The following PKHD1 variants were observed in gnomAD, a reference collection of about 807,000 sequenced individuals.
PKHD1 encodes the protein PKHD1 ciliary IPT domain containing fibrocystin/polyductin.
A neutral mutation model predicts 412.0 loss-of-function variants in PKHD1; 291 were observed. That is an observed-to-expected ratio of 0.71 (90% CI 0.64 to 0.78). The LOEUF (loss-of-function observed/expected upper bound fraction) is 0.78. Ranked by LOEUF, PKHD1 falls within the 30% of genes least tolerant of loss-of-function variation. PKHD1 has a pLI of 0.00. For missense variants in PKHD1, 4,825 were observed against 4,950.7 expected, an observed-to-expected ratio of 0.97 and a Z score of 0.76; for synonymous variants, 1,777 against 1,821.5, an observed-to-expected ratio of 0.98 and a Z score of 0.62.
chr6:51,628,256 C>G (rs1259991962), intron 65 of PKHD1, among the ~76,000 whole-genome samples: 2 of 152,068 alleles, frequency 1.3e-5, no homozygotes, highest in African/African-American at 4.8e-5. Flanking sequence ...AGACCCTAGT[C>G]TCCATTGTTC....
intron 35 of PKHD1, among the ~76,000 whole-genome samples, chr6:51,975,485 G>C (rs1794252106): frequency 6.6e-6 from 1 of 151,976 alleles, no homozygotes; most frequent in Non-Finnish European, 1.5e-5. Flanking sequence ...AGTGGGCAAA[G>C]GACTTGAATG....
At chr6:51,858,052 A>G (rs1773570544) in intron 48 of PKHD1, among the ~76,000 whole-genome samples, 1 of 146,170 alleles carries the variant, frequency 6.8e-6, no homozygotes, top group African/African-American at 2.5e-5. Flanking sequence ...TTTAAATTGG[A>G]ACTAATGGAC....
chr6:51,709,865 T>TG (rs3061725), intron 60 of PKHD1, among the ~76,000 whole-genome samples: 3 of 151,608 alleles, frequency 2.0e-5, no homozygotes, highest in Admixed American at 2.0e-4. Flanking sequence ...TTTTTTTTTT[T>TG]ACATAACTGA....
rs116564268 is a variant in PKHD1, at chr6:51,806,909, T to C, written c.8303-15536A>G. Among the ~76,000 whole-genome samples the C allele has an allele frequency of 5.9e-3, 896 of 152,118 alleles. 9 individuals are homozygous for C. Among genetic ancestry groups the C allele is most frequent in the African/African-American group, 0.02 (843 of 41,496 alleles). On this transcript the variant is annotated intron_variant, in intron 52 of 66. Coordinates refer to ENST00000371117, the MANE Select transcript of PKHD1 (RefSeq NM_138694.4). ...CTTTGGGAGAAGGTAAAACACTTTG[T>C]TACAACAGGAGGAAAGAAAGAGAAG...
intron 37 of PKHD1, among the ~76,000 whole-genome samples, chr6:51,930,213 C>T (rs975009155): frequency 3.9e-5 from 6 of 152,132 alleles, no homozygotes; most frequent in Admixed American, 2.0e-4. Context: ...CTACAGCTAC[C>T]CAAACCCCAG....
intron 60 of PKHD1, among the ~76,000 whole-genome samples, chr6:51,687,111 G>C (rs556525156): frequency 6.6e-6 from 1 of 152,260 alleles, no homozygotes; most frequent in South Asian, 2.1e-4. Context: ...GAGCAGGGAA[G>C]AAATGGATAA....
intron 43 of PKHD1, among the ~76,000 whole-genome samples, chr6:51,887,603 T>G (rs980447397): frequency 1.3e-5 from 2 of 152,130 alleles, no homozygotes; most frequent in African/African-American, 4.8e-5. Context: ...ATCTGGTAGT[T>G]TAAAAGTGTA....
At chr6:52,073,178 G>C (rs577025678) in intron 7 of PKHD1, among the ~76,000 whole-genome samples, 8 of 152,214 alleles carry the variant, frequency 5.3e-5, no homozygotes, top group African/African-American at 1.9e-4. Context: ...AGGAAGGAAG[G>C]GTGAGAATTC....
intron 52 of PKHD1, among the ~76,000 whole-genome samples, chr6:51,793,153 A>G (rs1382378751): frequency 6.6e-6 from 1 of 152,172 alleles, no homozygotes; most frequent in Non-Finnish European, 1.5e-5. Context: ...TGAATGATCA[A>G]GCTAAACAGA....
chr6:51,911,713 G>C (rs563895563), intron 39 of PKHD1, 86 bp downstream of exon 39: 44 of 1,179,776 alleles, frequency 3.7e-5, no homozygotes, highest in Non-Finnish European at 5.3e-5. Flanking sequence ...TTTTAAAAGA[G>C]GTCAACCACA....
chr6:52,014,753 GATGGATGGATGA>G (rs1455731394), intron 34 of PKHD1, among the ~76,000 whole-genome samples: 3 of 116,660 alleles, frequency 2.6e-5, no homozygotes, highest in African/African-American at 3.0e-5. Context: ...TGGATGGATG[GATGGATGGATGA>G]ATATACTGGA....
rs1472830438 is a variant in PKHD1, at chr6:52,065,168, T to TATATATATAG, written c.881-119_881-118insCTATATATAT. 4.8e-3 allele frequency: 153 copies of TATATATATAG among 31,694 alleles called. 1 individual carries two copies. Among genetic ancestry groups the TATATATATAG allele is most frequent in the Non-Finnish European group, 7.9e-3 (144 of 18,170 alleles). 2.0% of individuals were successfully genotyped at this position (31,694 alleles called of 1,614,324 possible). On this transcript the variant is annotated intron_variant, in intron 12 of 66. Transcript: ENST00000371117. ...ATATATATATATATATATATATATATAGAGAGAGAGAGAGAGAGAGAGAGA... is the reference window on the plus strand; with the variant it reads ...ATATATATATATATATATATATATATATATATATAGAGAGAGAGAGAGAGAGAGAGAGAGA...
chr6:51,676,602 CT>C (rs964023903), intron 60 of PKHD1, among the ~76,000 whole-genome samples: 5 of 114,864 alleles, frequency 4.4e-5, no homozygotes, highest in Non-Finnish European at 5.5e-5. Flanking sequence ...ACATTTATAC[CT>C]CATTTGATTT....
At chr6:51,681,918 G>C (rs1288464371) in intron 60 of PKHD1, among the ~76,000 whole-genome samples, 2 of 152,104 alleles carry the variant, frequency 1.3e-5, no homozygotes, top group African/African-American at 4.8e-5. Context: ...AACAGAACAT[G>C]TTTGCCAGTC....
In PKHD1 at chr6:51,909,939, A is replaced by G. The variant is rs58713839; in HGVS notation, c.6491-465T>C. Among the ~76,000 whole-genome samples the G allele has an allele frequency of 2.0e-5, 3 of 152,218 alleles. No homozygotes were observed. In the East Asian group the frequency reaches 5.8e-4, roughly 29 times the overall value. On this transcript the variant is annotated intron_variant, in intron 39 of 66. Transcript: ENST00000371117. Reference sequence around the variant, plus strand: ...TACTGTGCTGTTTTATGGTTTGGGGACTTAGCAATAACGCTACCACAGAAA... The same window carrying G: ...TACTGTGCTGTTTTATGGTTTGGGGGCTTAGCAATAACGCTACCACAGAAA...
intron 43 of PKHD1, among the ~76,000 whole-genome samples, chr6:51,893,426 G>C (rs2127578462): frequency 6.6e-6 from 1 of 152,292 alleles, no homozygotes; most frequent in South Asian, 2.1e-4. Flanking sequence ...GTGGGCAGGA[G>C]ACTGCAACTT....
In PKHD1 at chr6:52,024,855, T is replaced by C; in HGVS notation, c.4955A>G (p.Tyr1652Cys). 6.2e-7 allele frequency: 1 copy of C among 1,614,228 alleles called. No individual in the cohort carries two copies. The highest frequency in any genetic ancestry group is 8.5e-7 in the Non-Finnish European group (1 of 1,180,042). Residue 1652 changes from tyrosine to cysteine, a missense_variant, in exon 32 of 67, where the codon TAT (tyrosine) becomes TGT (cysteine). Physicochemically the swap from Tyr to Cys is radical, Grantham distance 194. Transcript: ENST00000371117. ...CAATTCTGGGGTAAAGGCCTTGTTATAACCAATGACTCCTATGTGATACCA... is the reference window on the plus strand; with the variant it reads ...CAATTCTGGGGTAAAGGCCTTGTTACAACCAATGACTCCTATGTGATACCA... ...GLWYHIGVIGYNKAFTPELIS... is the reference protein window; with the variant it reads ...GLWYHIGVIGCNKAFTPELIS...
intron 35 of PKHD1, among the ~76,000 whole-genome samples, chr6:51,991,308 T>C (rs1052806827): frequency 6.6e-6 from 1 of 152,234 alleles, no homozygotes; most frequent in Non-Finnish European, 1.5e-5. Context: ...ACTTGGTTTA[T>C]GTGTATTGTG....
chr6:51,772,365 T>C (rs1790291013), intron 55 of PKHD1, among the ~76,000 whole-genome samples: 1 of 151,950 alleles, frequency 6.6e-6, no homozygotes, highest in Non-Finnish European at 1.5e-5. Flanking sequence ...TGAGGTACCT[T>C]TTCAGCTTAG....
Sources: allele counts gnomAD v4.1 joint callset (sites outside exome capture counted in the v4.1 genomes callset), GRCh38; gene constraint gnomAD v4.1.1; transcripts MANE v1.5; gene names NCBI Gene and HGNC (gene_info 2026-07-23, HGNC 2026-07-21).